The following RTL9 variants were observed in gnomAD, a reference collection of about 807,000 sequenced individuals.
The protein encoded by RTL9 is retrotransposon Gag like 9.
RTL9 carries 19 observed loss-of-function variants against 44.7 expected under a neutral mutation model. That is an observed-to-expected ratio of 0.42 (90% CI 0.30 to 0.62). The LOEUF (loss-of-function observed/expected upper bound fraction) is 0.62. Ranked by LOEUF, RTL9 falls within the 20% of genes least tolerant of loss-of-function variation. The probability of loss-of-function intolerance (pLI) is 0.16; values close to 1 mark genes in which losing one functional copy is unlikely to be tolerated. For missense variants in RTL9, 1,105 were observed against 1,080.6 expected (o/e 1.02, Z -0.32); for synonymous variants, 407 against 398.9 (o/e 1.02, Z -0.24).
Position 110,455,198 on chromosome X carries a change from C to G in RTL9, c.4048-4C>G. 4.1e-6 allele frequency: 5 copies of G among 1,209,114 alleles called. No homozygotes were observed. The highest frequency in any genetic ancestry group is 5.6e-6 in the Non-Finnish European group (5 of 895,006). ...TACCTCTGTTGTCTTTTTCTCACTC[C>G]CAGCACCAGCATGTTTCCAAACGCT... On this transcript the variant is annotated splice_region_variant and splice_polypyrimidine_tract_variant and intron_variant, in intron 1 of 1. Transcript: ENST00000540313.
chrX:110,454,716 C>A, intron 1 of RTL9, 52 bp downstream of exon 3: 1 of 1,021,124 alleles, frequency 9.8e-7, no homozygotes, highest in South Asian at 2.3e-5. Flanking sequence ...ATGAGGAGGT[C>A]ACGACAGGGA....
intron 1 of RTL9, among the ~76,000 whole-genome samples, chrX:110,409,137 A>C (rs1392310694): frequency 2.7e-5 from 3 of 111,471 alleles, no homozygotes; most frequent in Non-Finnish European, 5.7e-5. Context: ...AGCTGGAGTC[A>C]GGCATGTAGG....
intron 1 of RTL9, among the ~76,000 whole-genome samples, chrX:110,407,553 T>G (rs957251786): frequency 8.9e-6 from 1 of 112,600 alleles, no homozygotes; most frequent in Non-Finnish European, 1.9e-5. Flanking sequence ...GTTGCCATTT[T>G]TCCAGGTGAG....
intron 1 of RTL9, among the ~76,000 whole-genome samples, chrX:110,419,987 T>C (rs1390660393): frequency 8.9e-6 from 1 of 111,785 alleles, no homozygotes; most frequent in African/African-American, 3.3e-5. Context: ...ATGAAGGAAT[T>C]GAGGCTCTGG....
chrX:110,372,243 A>G (rs1445396971), intron 1 of RTL9, among the ~76,000 whole-genome samples: 1 of 112,773 alleles, frequency 8.9e-6, no homozygotes, highest in East Asian at 2.8e-4. Context: ...TGAGGAGGAT[A>G]TAAAATCAAG....
intron 1 of RTL9, among the ~76,000 whole-genome samples, chrX:110,409,646 GT>G (rs113947141): frequency 4.8e-4 from 49 of 101,159 alleles, no homozygotes; most frequent in East Asian, 9.3e-4. Flanking sequence ...TGCTGCTGCT[GT>G]TTTTTTTTTT....
At chrX:110,382,081 C>T (rs138303390) in intron 1 of RTL9, among the ~76,000 whole-genome samples, 2,901 of 111,776 alleles carry the variant, frequency 0.026, 91 homozygotes, top group African/African-American at 0.089. Flanking sequence ...ATGCTGTTGA[C>T]AGTATTTTTA....
chrX:110,389,549 A>T (rs2148284681), intron 1 of RTL9, among the ~76,000 whole-genome samples: 1 of 112,322 alleles, frequency 8.9e-6, no homozygotes, highest in Admixed American at 9.4e-5. Context: ...TAAGTAAATA[A>T]AATCTCACAC....
At chrX:110,455,659 A>G (rs989958655) in exon 2 of RTL9, 2 of 142,488 alleles carry the variant, frequency 1.4e-5, no homozygotes, top group Non-Finnish European at 2.8e-5. Context: ...CCCTTAGCGT[A>G]TCTTGCCATG....
At chrX:110,377,355 C>A (rs1434453758) in intron 1 of RTL9, among the ~76,000 whole-genome samples, 1 of 111,607 alleles carries the variant, frequency 9.0e-6, no homozygotes, top group African/African-American at 3.3e-5. Flanking sequence ...GCCAGAATAG[C>A]GAAACACCGA....
At chrX:110,447,986 A>G (rs1207420094), upstream of RTL9, among the ~76,000 whole-genome samples, 2 of 112,006 alleles carry the variant, frequency 1.8e-5, no homozygotes, top group African/African-American at 6.5e-5. Context: ...TCTAGAAAGC[A>G]GGCTGTAGCC....
chrX:110,454,481 G>T (rs1375763496), exon 1 of RTL9: 7 of 1,211,912 alleles, frequency 5.8e-6, no homozygotes, highest in Non-Finnish European at 7.8e-6. Context: ...AAATGGGTCG[G>T]ATCTTCCTGA....
At chrX:110,451,702 A>G (rs1443661397) in exon 1 of RTL9, 1 of 1,211,297 alleles carries the variant, frequency 8.3e-7, no homozygotes, top group Admixed American at 2.2e-5. Flanking sequence ...ATGCCCACCC[A>G]AACGATGCCA....
intron 1 of RTL9, among the ~76,000 whole-genome samples, chrX:110,441,225 G>A (rs1449559604): frequency 4.5e-5 from 5 of 111,744 alleles, no homozygotes; most frequent in Non-Finnish European, 9.4e-5. Flanking sequence ...TAACCCAAAT[G>A]TTGTAAAGAG....
intron 1 of RTL9, among the ~76,000 whole-genome samples, chrX:110,374,817 G>T (rs1267823412): frequency 9.0e-6 from 1 of 110,743 alleles, no homozygotes; most frequent in Non-Finnish European, 1.9e-5. Context: ...ATATGTGGAG[G>T]GTGGGTGAGT....
chrX:110,414,979 C>T (rs938082041), upstream of RTL9, among the ~76,000 whole-genome samples: 1 of 112,006 alleles, frequency 8.9e-6, no homozygotes, highest in Non-Finnish European at 1.9e-5. Flanking sequence ...TATATATTCT[C>T]TGCCTCCCCA....
intron 1 of RTL9, among the ~76,000 whole-genome samples, chrX:110,427,848 T>C (rs1438898008): frequency 1.8e-5 from 2 of 112,066 alleles, no homozygotes; most frequent in African/African-American, 6.5e-5. Flanking sequence ...GTCTCTTACC[T>C]CTGTGCATTT....
chrX:110,454,240 G>A, exon 1 of RTL9: 2 of 1,211,872 alleles, frequency 1.7e-6, no homozygotes, highest in Non-Finnish European at 2.2e-6. Context: ...ATGGAGGTAG[G>A]AGAACCTCTC....
chrX:110,424,600 C>T (rs1417168342), intron 1 of RTL9, among the ~76,000 whole-genome samples: 1 of 112,282 alleles, frequency 8.9e-6, no homozygotes, highest in African/African-American at 3.2e-5. Context: ...ACCTATGGCT[C>T]CTGCCCTGGA....
Sources: gnomAD v4.1 joint callset for allele counts (sites outside exome capture counted in the v4.1 genomes callset) on GRCh38, gnomAD v4.1.1 for gene constraint, MANE v1.5 for transcripts, NCBI Gene and HGNC (gene_info 2026-07-23, HGNC 2026-07-21) for gene names.